PLBD1: variants seen among roughly 807,000 people sequenced by gnomAD.
The protein encoded by PLBD1 is phospholipase B domain containing 1.
A neutral mutation model predicts 63.0 loss-of-function variants in PLBD1; 60 were observed. The observed-to-expected ratio is 0.95, with a 90% CI of 0.77 to 1.18. The LOEUF (loss-of-function observed/expected upper bound fraction) is 1.18. PLBD1 is among the 50% of genes most tolerant of loss of function. The probability of loss-of-function intolerance (pLI) is 0.00; values close to 1 mark genes in which losing one functional copy is unlikely to be tolerated. For synonymous variants in PLBD1, 262 were observed against 248.0 expected (o/e 1.06, Z -0.53); for missense variants, 598 against 677.9 (o/e 0.88, Z 1.31).
In PLBD1 at chr12:14,506,172, TAAC is replaced by T. The variant is rs766790765; in HGVS notation, c.1466_1468del (p.Cys489del). ...CCAATAGCATGTTACCTTTGTGTCA[TAAC>T]AACCTCCAGGACTTGGGTTAGGTGA... On this transcript the variant is annotated inframe_deletion, in exon 10 of 11. Coordinates refer to ENST00000240617, the MANE Select transcript of PLBD1 (RefSeq NM_024829.6). 144 of 1,606,300 alleles carry T rather than the reference TAAC, an allele frequency of 9.0e-5. No homozygotes were observed. The highest frequency in any genetic ancestry group is 5.2e-5 in the Non-Finnish European group (61 of 1,174,688).
intron 6 of PLBD1, among the ~76,000 whole-genome samples, chr12:14,512,152 C>CTT (rs10708766): frequency 2.9e-5 from 4 of 137,586 alleles, no homozygotes; most frequent in Non-Finnish European, 1.6e-5. Context: ...TATAAGTCTA[C>CTT]TTTTTTTTTT....
intron 3 of PLBD1, among the ~76,000 whole-genome samples, chr12:14,541,560 T>C (rs764027992): frequency 6.6e-6 from 1 of 152,180 alleles, no homozygotes; most frequent in Admixed American, 6.5e-5. Flanking sequence ...TAGCTCAATC[T>C]TAGAATAATG....
chr12:14,510,255 G>T (rs1415056316), intron 8 of PLBD1, among the ~76,000 whole-genome samples: 2 of 152,144 alleles, frequency 1.3e-5, no homozygotes, highest in Non-Finnish European at 2.9e-5. Context: ...TTAGCCAGGT[G>T]TGGTGGCACG....
chr12:14,511,853 C>G, intron 6 of PLBD1, 142 bp from the exon 7 acceptor site: 1 of 817,794 alleles, frequency 1.2e-6, no homozygotes, highest in Non-Finnish European at 1.9e-6. Context: ...TAGCCTCCCC[C>G]AGCTTTGGCT....
At chr12:14,564,214 T>C (rs1410193683) in intron 1 of PLBD1, among the ~76,000 whole-genome samples, 2 of 152,086 alleles carry the variant, frequency 1.3e-5, no homozygotes, top group Non-Finnish European at 2.9e-5. Flanking sequence ...TCCAAATAAA[T>C]GAATAAATAA....
chr12:14,507,893 G>A (rs1460638012), intron 8 of PLBD1, among the ~76,000 whole-genome samples: 2 of 152,162 alleles, frequency 1.3e-5, no homozygotes, highest in African/African-American at 4.8e-5. Context: ...CATCCTGGAT[G>A]ACACTGGCCT....
chr12:14,561,064 C>A (rs186997268), intron 1 of PLBD1, among the ~76,000 whole-genome samples: 1 of 151,374 alleles, frequency 6.6e-6, no homozygotes, highest in Admixed American at 6.6e-5. Flanking sequence ...GAGATTTCTA[C>A]AGTGAGGTTG....
intron 1 of PLBD1, among the ~76,000 whole-genome samples, chr12:14,566,633 T>C (rs983525397): frequency 1.3e-5 from 2 of 152,124 alleles, no homozygotes; most frequent in African/African-American, 2.4e-5. Context: ...CCTGTAGAGA[T>C]AAAACCTGTT....
chr12:14,530,468 TA>T (rs1314168990), intron 6 of PLBD1, among the ~76,000 whole-genome samples: 2 of 152,060 alleles, frequency 1.3e-5, no homozygotes, highest in Non-Finnish European at 2.9e-5. Flanking sequence ...GGGTAACCAA[TA>T]AATACATATG....
chr12:14,540,142 T>C (rs1945560396), intron 4 of PLBD1, among the ~76,000 whole-genome samples: 1 of 59,866 alleles, frequency 1.7e-5, no homozygotes, highest in South Asian at 5.6e-4. Flanking sequence ...ACTGGCAAAA[T>C]AGACAAAACA....
At chr12:14,559,223 G>A (rs1454241469) in intron 1 of PLBD1, among the ~76,000 whole-genome samples, 6 of 152,254 alleles carry the variant, frequency 3.9e-5, no homozygotes, top group South Asian at 2.1e-4. Context: ...CTGTGAAAGC[G>A]CGGACTGTTT....
intron 1 of PLBD1, among the ~76,000 whole-genome samples, chr12:14,559,370 T>G (rs1945729898): frequency 6.6e-6 from 1 of 152,142 alleles, no homozygotes; most frequent in Non-Finnish European, 1.5e-5. Context: ...GCTCTGTTGC[T>G]CAGGCTGGAG....
chr12:14,563,988 A>G (rs1282893733), intron 1 of PLBD1, among the ~76,000 whole-genome samples: 2 of 152,298 alleles, frequency 1.3e-5, no homozygotes, highest in African/African-American at 4.8e-5. Flanking sequence ...CCTGAACCCC[A>G]GGGCTTTGGG....
intron 3 of PLBD1, among the ~76,000 whole-genome samples, chr12:14,541,161 T>C (rs1945568242): frequency 6.6e-6 from 1 of 152,204 alleles, no homozygotes; most frequent in Non-Finnish European, 1.5e-5. Context: ...GATAGTGACC[T>C]AACTGTGATA....
chr12:14,539,589 T>C (rs1945548814), intron 4 of PLBD1, among the ~76,000 whole-genome samples: 1 of 151,936 alleles, frequency 6.6e-6, no homozygotes. Flanking sequence ...AGTTCGAGAC[T>C]AGCCTGGCCA....
intron 6 of PLBD1, among the ~76,000 whole-genome samples, chr12:14,517,517 T>C (rs1945346062): frequency 6.6e-6 from 1 of 152,120 alleles, no homozygotes; most frequent in African/African-American, 2.4e-5. Context: ...AAGAAATGGA[T>C]ATTTATAGTT....
In PLBD1 at chr12:14,535,748, G is replaced by A; in HGVS notation, c.755C>T (p.Ala252Val). Residue 252 changes from alanine (A) to valine (V), a missense_variant, in exon 6 of 11, where the codon GCA becomes GTA. Coordinates refer to ENST00000240617, the MANE Select transcript of PLBD1 (RefSeq NM_024829.6). ...GTGTTTATATATCCTGAGCATGGCT[G>A]CATACGTGTACCAGCTTGAGTGAGC... ...LFAHSSWYTY[A>V]AMLRIYKHWD... 2 of 1,613,920 alleles carry A rather than the reference G, an allele frequency of 1.2e-6. No individual in the cohort carries two copies. Among genetic ancestry groups the A allele is most frequent in the Middle Eastern group, 1.6e-4 (1 of 6,062 alleles).
chr12:14,541,006 G>A lies in PLBD1; in HGVS notation c.420-104C>T. On this transcript the variant is annotated intron_variant, in intron 3 of 10. Transcript: ENST00000240617. ...TATATACTCAGACACTTATGCTAAT[G>A]TGATTTAAATTCTAGATCTTGTAAC... is the stretch of plus-strand genomic sequence containing the variant. 5.7e-6 allele frequency: 7 copies of A among 1,226,680 alleles called. No homozygotes were observed. In the South Asian group the frequency reaches 1.0e-4, roughly 18 times the overall value. 76.0% of individuals were successfully genotyped at this position (1,226,680 alleles called of 1,614,324 possible).
Position 14,506,155 on chromosome 12 carries a change from A to G in PLBD1, c.1479+7T>C, listed in dbSNP as rs202073366. 1,961 of 1,584,736 alleles carry G rather than the reference A, an allele frequency of 1.2e-3. 4 individuals are homozygous for G. The highest frequency in any genetic ancestry group is 1.2e-3 in the Non-Finnish European group (1,357 of 1,157,294). On this transcript the variant is annotated splice_region_variant and intron_variant, in intron 10 of 10. Transcript: ENST00000240617. ...GGAATTAAATTCAAAAGCCAATAGC[A>G]TGTTACCTTTGTGTCATAACAACCT...
Sources: gnomAD v4.1 joint callset for allele counts (sites outside exome capture counted in the v4.1 genomes callset) on GRCh38, gnomAD v4.1.1 for gene constraint, MANE v1.5 for transcripts, NCBI Gene and HGNC (gene_info 2026-07-23, HGNC 2026-07-21) for gene names.